TMEM230: variants seen among roughly 807,000 people sequenced by gnomAD.
TMEM230 encodes the protein UPF0414 transmembrane protein C20orf30.
A neutral mutation model predicts 15.8 loss-of-function variants in TMEM230; 10 were observed. The observed-to-expected ratio is 0.63, with a 90% CI of 0.39 to 1.07. TMEM230 has a LOEUF of 1.07. TMEM230 is among the 50% of genes least tolerant of loss of function. TMEM230 has a pLI of 0.01. For missense variants in TMEM230, 165 were observed against 193.3 expected (o/e 0.85, Z 0.87); for synonymous variants, 67 against 76.9 (o/e 0.87, Z 0.68).
intron 3 of TMEM230, among the ~76,000 whole-genome samples, chr20:5,087,725 A>T (rs1600321452): frequency 8.3e-6 from 1 of 121,064 alleles, no homozygotes; most frequent in African/African-American, 3.1e-5. Flanking sequence ...TTTTCCTGGG[A>T]CTAGAAGATT....
intron 4 of TMEM230, among the ~76,000 whole-genome samples, chr20:5,104,892 G>T (rs1568503153): frequency 6.6e-6 from 1 of 152,240 alleles, no homozygotes; most frequent in Non-Finnish European, 1.5e-5. Context: ...GGGGAATGGG[G>T]AAGGTTAACG....
At chr20:5,060,993 A>G in the TMEM230 span, 1 of 152,160 alleles carries the variant, frequency 6.6e-6, no homozygotes, top group South Asian at 2.1e-4. Context: ...AAATCTTGGC[A>G]TTGTCAGAGT....
At chr20:5,068,439 A>T (rs1337055220), downstream of TMEM230, 1 of 152,298 alleles carries the variant, frequency 6.6e-6, no homozygotes, top group East Asian at 1.9e-4. Flanking sequence ...GCCTCAGGAA[A>T]CTTACAATCA....
At chr20:5,068,919 C>A in exon 4 of TMEM230, 2 of 374,130 alleles carry the variant, frequency 5.3e-6, no homozygotes, top group Admixed American at 4.4e-5. Flanking sequence ...ATCCTCCTAC[C>A]CTCAGGAACA....
intron 4 of TMEM230, among the ~76,000 whole-genome samples, chr20:5,105,667 T>C (rs969599553): frequency 6.6e-6 from 1 of 152,188 alleles, no homozygotes; most frequent in Non-Finnish European, 1.5e-5. Context: ...CTGATGTGAT[T>C]ATTATGAATG....
intron 3 of TMEM230, among the ~76,000 whole-genome samples, chr20:5,087,789 T>C (rs951372503): frequency 2.1e-5 from 3 of 144,720 alleles, no homozygotes; most frequent in Admixed American, 7.0e-5. Flanking sequence ...CAAGCTCCTT[T>C]GGGTAAAGAT....
downstream of TMEM230, among the ~76,000 whole-genome samples, chr20:5,099,680 C>A (rs549447231): frequency 6.6e-6 from 1 of 152,224 alleles, no homozygotes; most frequent in South Asian, 2.1e-4. Context: ...GCTCTTCCCA[C>A]AGCCTTGCAA....
chr20:5,103,111 C>T (rs184017906), intron 4 of TMEM230, among the ~76,000 whole-genome samples: 1 of 152,102 alleles, frequency 6.6e-6, no homozygotes, highest in East Asian at 1.9e-4. Context: ...CGCCTGTAAT[C>T]CCAGTACTTT....
chr20:5,072,798 G>A (rs1308035140), intron 3 of TMEM230, among the ~76,000 whole-genome samples: 6 of 134,606 alleles, frequency 4.5e-5, no homozygotes, highest in South Asian at 2.5e-4. Flanking sequence ...GCAGTGAGCC[G>A]AGATCACGCC....
intron 3 of TMEM230, among the ~76,000 whole-genome samples, chr20:5,080,381 G>T (rs1003821985): frequency 1.7e-4 from 26 of 152,064 alleles, no homozygotes; most frequent in African/African-American, 6.3e-4. Flanking sequence ...TCTACAGCAA[G>T]ACTGAAAGTT....
At chr20:5,109,219 G>A (rs1383518504) in intron 3 of TMEM230, 113 bp downstream of exon 2, 4 of 769,728 alleles carry the variant, frequency 5.2e-6, no homozygotes, top group Non-Finnish European at 8.3e-6. Context: ...TTTTCTTCTT[G>A]TTGCTCCTTC....
At chr20:5,071,619 G>A (rs373438671) in intron 3 of TMEM230, among the ~76,000 whole-genome samples, 3 of 64,544 alleles carry the variant, frequency 4.6e-5, no homozygotes, top group East Asian at 5.0e-4. Flanking sequence ...GCGAAACTCC[G>A]TCTCAAAAAA....
intron 4 of TMEM230, among the ~76,000 whole-genome samples, chr20:5,102,213 C>T (rs1164333509): frequency 6.6e-6 from 1 of 152,130 alleles, no homozygotes; most frequent in Non-Finnish European, 1.5e-5. Flanking sequence ...AAAAGAAAAT[C>T]TTTTTGGTTT....
chr20:5,070,335 A>G (rs1040134991), intron 3 of TMEM230, among the ~76,000 whole-genome samples: 2 of 152,156 alleles, frequency 1.3e-5, no homozygotes, highest in Non-Finnish European at 2.9e-5. Flanking sequence ...ACTAACCAAT[A>G]TCTAACAACA....
At chr20:5,111,798 T>C (rs1203570502) in intron 1 of TMEM230, 1 of 981,558 alleles carries the variant, frequency 1.0e-6, no homozygotes, top group Non-Finnish European at 1.2e-6. Flanking sequence ...TTCTAAGTAC[T>C]TTGTACATAC....
chr20:5,059,483 G>A, the TMEM230 span, among the ~76,000 whole-genome samples: 1 of 152,142 alleles, frequency 6.6e-6, no homozygotes, highest in East Asian at 1.9e-4. Context: ...TGAAGGAATA[G>A]AAGTGAGAAG....
downstream of TMEM230, chr20:5,098,440 T>A (rs555719127): frequency 1.3e-5 from 2 of 152,134 alleles, no homozygotes; most frequent in Admixed American, 1.3e-4. Context: ...CAAGATCAGA[T>A]GAGGTCGGGA....
downstream of TMEM230, among the ~76,000 whole-genome samples, chr20:5,097,827 T>A (rs555460759): frequency 2.7e-5 from 4 of 150,308 alleles, no homozygotes; most frequent in East Asian, 8.0e-4. Context: ...GCCAGGCTGA[T>A]CTTGAACTCC....
the TMEM230 span, among the ~76,000 whole-genome samples, chr20:5,062,065 CA>C: frequency 6.6e-6 from 1 of 151,094 alleles, no homozygotes; most frequent in Admixed American, 6.6e-5. Flanking sequence ...TATAAAAATA[CA>C]AAAAAATTAG....
Sources: gnomAD v4.1 joint callset for allele counts (sites outside exome capture counted in the v4.1 genomes callset) on GRCh38, gnomAD v4.1.1 for gene constraint, MANE v1.5 for transcripts, NCBI Gene and HGNC (gene_info 2026-07-23, HGNC 2026-07-21) for gene names.